The following AKAP3 variants were observed in gnomAD, a reference collection of about 807,000 sequenced individuals.
The protein encoded by AKAP3 is A-kinase anchor protein 3.
AKAP3 carries 27 observed loss-of-function variants against 57.2 expected under a neutral mutation model. The observed-to-expected ratio is 0.47, with a 90% confidence interval of 0.35 to 0.65. The LOEUF is 0.65. Ranked by LOEUF, AKAP3 falls within the 30% of genes least tolerant of loss-of-function variation. AKAP3 has a pLI of 0.01. For missense variants in AKAP3, 959 were observed against 1,040.0 expected, an observed-to-expected ratio of 0.92 and a Z score of 1.07; for synonymous variants, 334 against 392.3, an observed-to-expected ratio of 0.85 and a Z score of 1.76.
intron 4 of AKAP3, chr12:4,635,285 C>G (rs1233307697): frequency 2.8e-6 from 1 of 353,616 alleles, no homozygotes; most frequent in Non-Finnish European, 5.4e-6. Flanking sequence ...GGTCCAATTC[C>G]ATTGTTATTA....
intron 5 of AKAP3, among the ~76,000 whole-genome samples, chr12:4,624,811 T>TGG (rs1244991800): frequency 1.4e-5 from 2 of 145,620 alleles, no homozygotes; most frequent in African/African-American, 5.3e-5. Context: ...TAGACAAAGG[T>TGG]GTGTGTGTGT....
intron 5 of AKAP3, 48 bp from the exon 6 acceptor site, chr12:4,615,942 C>T (rs776208271): frequency 1.2e-6 from 2 of 1,609,876 alleles, no homozygotes; most frequent in East Asian, 2.2e-5. Context: ...CATCTCATGG[C>T]AGGCCAGATG....
At chr12:4,646,446 G>A (rs962595771) in intron 1 of AKAP3, among the ~76,000 whole-genome samples, 6 of 152,054 alleles carry the variant, frequency 3.9e-5, no homozygotes, top group Admixed American at 6.5e-5. Context: ...TGAGGCAGGC[G>A]GATCACTAGA....
chr12:4,646,179 T>C (rs1187331851), intron 1 of AKAP3, among the ~76,000 whole-genome samples: 1 of 152,112 alleles, frequency 6.6e-6, no homozygotes, highest in African/African-American at 2.4e-5. Flanking sequence ...CAAGAGGCAT[T>C]TGGTTAGCTA....
At chr12:4,622,225 A>G (rs1025736410) in intron 5 of AKAP3, among the ~76,000 whole-genome samples, 1 of 152,196 alleles carries the variant, frequency 6.6e-6, no homozygotes, top group East Asian at 1.9e-4. Context: ...TAAATGTTCA[A>G]TGCTATTCCT....
Position 4,645,438 on chromosome 12 carries a change from G to C in AKAP3, c.-244-246C>G, listed in dbSNP as rs557213280. ...AAAGACAATTTTTCCACGGATGGGA[G>C]TGGGGTGGGAGTATGGTTTCTGGAT... On this transcript the variant is annotated intron_variant, in intron 1 of 5. Coordinates refer to ENST00000228850, the MANE Select transcript of AKAP3 (RefSeq NM_001278309.2). 2.6e-5 allele frequency: 4 copies of C among 152,336 alleles called. No individual in the cohort carries two copies. The East Asian group carries it at 7.7e-4, about 29-fold the overall frequency. The allele number at this position is 152,336 out of a possible 1,614,324, so 9.4% of individuals were successfully genotyped here. A position where few individuals can be genotyped will look rare whatever the true frequency, so the allele number is the denominator to read the frequency against.
In AKAP3 at chr12:4,626,411, T is replaced by A. The variant is rs1403279175; in HGVS notation, c.2406+85A>T. On this transcript the variant is annotated intron_variant, in intron 5 of 5. Transcript: ENST00000228850. Reference sequence around the variant, plus strand: ...TCCCATTTTACCTTCTCTGTGGCTATCTTCCCATTCAGAAAGAAACCAGAA... The same window carrying A: ...TCCCATTTTACCTTCTCTGTGGCTAACTTCCCATTCAGAAAGAAACCAGAA... 23 of 1,456,544 alleles carry A rather than the reference T, an allele frequency of 1.6e-5. No homozygotes were observed. In the Middle Eastern group the frequency reaches 7.2e-4, roughly 46 times the overall value. The allele number at this position is 1,456,544 out of a possible 1,614,324, so 90.2% of individuals were successfully genotyped here. A position where few individuals can be genotyped will look rare whatever the true frequency, so the allele number is the denominator to read the frequency against.
At chr12:4,629,341 C>T (rs576080501) in intron 4 of AKAP3, among the ~76,000 whole-genome samples, 1 of 152,306 alleles carries the variant, frequency 6.6e-6, no homozygotes, top group African/African-American at 2.4e-5. Flanking sequence ...TTTCCTTACC[C>T]AGTTGATCAT....
At position 4,624,316 on chromosome 12, in the gene AKAP3, CGTGTGTGTGTGT is replaced by C. The variant is rs71061197; in HGVS notation, c.2406+2168_2406+2179del. On this transcript the variant is annotated intron_variant, in intron 5 of 5. Transcript: ENST00000228850. The stretch of plus-strand genomic sequence containing the variant: ...TAAAAAATAATAATTTGTGACTTTA[CGTGTGTGTGTGT>C]GTGTGTGTGTGTGTGTGTGTGTGTG... Among the ~76,000 whole-genome samples, 313 of 43,052 alleles carry C rather than the reference CGTGTGTGTGTGT, an allele frequency of 7.3e-3. 1 individual carries two copies. Among genetic ancestry groups the C allele is most frequent in the South Asian group, 0.012 (15 of 1,204 alleles). The allele number at this position is 43,052 out of a possible 152,430, so 28.2% of individuals were successfully genotyped here.
Position 4,626,957 on chromosome 12 carries a change from C to T in AKAP3, c.1945G>A (p.Ala649Thr). 6.2e-7 allele frequency: 1 copy of T among 1,614,136 alleles called. No individual in the cohort carries two copies. Among genetic ancestry groups the T allele is most frequent in the Non-Finnish European group, 8.5e-7 (1 of 1,180,026 alleles). The change falls in exon 5 of 6, where the codon GCC becomes ACC. Residue 649 changes from alanine (A) to threonine (T), a missense_variant. Physicochemically the swap from Ala to Thr is moderately conservative, Grantham distance 58. Coordinates refer to ENST00000228850, the MANE Select transcript of AKAP3 (RefSeq NM_001278309.2). Reference sequence around the variant, plus strand: ...GCCATCTTGGTCAGCCCAGAAAGGGCACCAGGGGTCTCATCATCCTCATAT... The same window carrying T: ...GCCATCTTGGTCAGCCCAGAAAGGGTACCAGGGGTCTCATCATCCTCATAT... ...RLYEDDETPG[A>T]LSGLTKMAVS...
At chr12:4,647,704 C>G (rs1009225108) in intron 1 of AKAP3, 2 of 152,102 alleles carry the variant, frequency 1.3e-5, no homozygotes, top group African/African-American at 4.8e-5. Context: ...ATATTGGTCC[C>G]AAAATCAAGT....
intron 1 of AKAP3, among the ~76,000 whole-genome samples, chr12:4,647,251 A>G (rs1031475931): frequency 6.6e-6 from 1 of 152,144 alleles, no homozygotes; most frequent in Non-Finnish European, 1.5e-5. Flanking sequence ...CCCGATTCTC[A>G]TAATAACCTT....
intron 3 of AKAP3, among the ~76,000 whole-genome samples, chr12:4,638,609 G>A (rs1945595554): frequency 6.6e-6 from 1 of 152,096 alleles, no homozygotes; most frequent in South Asian, 2.1e-4. Context: ...GTCTGTTCTT[G>A]CCCCACCAAC....
At chr12:4,639,320 C>G (rs1006635283) in intron 3 of AKAP3, among the ~76,000 whole-genome samples, 1 of 152,168 alleles carries the variant, frequency 6.6e-6, no homozygotes, top group Non-Finnish European at 1.5e-5. Flanking sequence ...TTCTTATATT[C>G]TTTGCTCAGC....
chr12:4,638,268 G>A (rs1193135708), intron 3 of AKAP3, 72 bp from the exon 4 acceptor site: 1 of 1,091,890 alleles, frequency 9.2e-7, no homozygotes, highest in Admixed American at 2.0e-5. Flanking sequence ...AAGAAATGTG[G>A]TAAAGGGCTA....
intron 2 of AKAP3, among the ~76,000 whole-genome samples, chr12:4,644,625 G>A (rs1945676800): frequency 1.3e-5 from 2 of 152,216 alleles, no homozygotes; most frequent in South Asian, 2.1e-4. Flanking sequence ...AAAATTGGCT[G>A]AGCAGGCCAG....
intron 5 of AKAP3, among the ~76,000 whole-genome samples, chr12:4,619,021 C>T (rs1945316661): frequency 6.6e-6 from 1 of 152,122 alleles, no homozygotes; most frequent in African/African-American, 2.4e-5. Context: ...GCATAGGTAT[C>T]TCACTAAAGA....
intron 1 of AKAP3, among the ~76,000 whole-genome samples, chr12:4,647,379 C>T (rs980963820): frequency 6.6e-6 from 1 of 151,504 alleles, no homozygotes; most frequent in Non-Finnish European, 1.5e-5. Context: ...TGTTAAAAAT[C>T]GGTGTTCTTT....
intron 3 of AKAP3, among the ~76,000 whole-genome samples, chr12:4,640,704 G>A (rs1275960752): frequency 6.6e-6 from 1 of 152,190 alleles, no homozygotes; most frequent in Non-Finnish European, 1.5e-5. Context: ...AGATTACTGA[G>A]CTAAGGAAGC....
Sources: gnomAD v4.1 joint callset for allele counts (sites outside exome capture counted in the v4.1 genomes callset) on GRCh38, gnomAD v4.1.1 for gene constraint, MANE v1.5 for transcripts, NCBI Gene and HGNC (gene_info 2026-07-23, HGNC 2026-07-21) for gene names.